The following STAB2 variants were observed in gnomAD, a reference collection of about 807,000 sequenced individuals.
STAB2 encodes the protein stabilin-2.
Under a neutral mutation model 338.1 loss-of-function variants are expected in STAB2, and 288 were observed. The ratio of observed to expected loss-of-function variants is 0.85; its 90% CI spans 0.77 to 0.94. The LOEUF (loss-of-function observed/expected upper bound fraction) is 0.94, where lower values mean the gene tolerates loss of function less well. Ranked by LOEUF, STAB2 falls within the 40% of genes least tolerant of loss-of-function variation. STAB2 has a pLI of 0.00. For missense variants in STAB2, 3,141 were observed against 3,210.1 expected (o/e 0.98, Z 0.52); for synonymous variants, 1,202 against 1,193.3 (o/e 1.01, Z -0.15).
intron 30 of STAB2, among the ~76,000 whole-genome samples, chr12:103,692,608 T>G (rs963041462): frequency 1.3e-5 from 2 of 148,866 alleles, no homozygotes; most frequent in African/African-American, 4.9e-5. Flanking sequence ...TGTGTGTGTG[T>G]GTGTGCGTGT....
intron 2 of STAB2, among the ~76,000 whole-genome samples, chr12:103,594,053 C>T (rs1956838719): frequency 6.7e-6 from 1 of 148,390 alleles, no homozygotes. Flanking sequence ...TGATCTCTCC[C>T]TTCCTGCATT....
intron 44 of STAB2, among the ~76,000 whole-genome samples, chr12:103,719,362 C>T (rs529745583): frequency 1.3e-5 from 2 of 152,350 alleles, no homozygotes; most frequent in African/African-American, 4.8e-5. Context: ...GACAAAGAGA[C>T]TCTAGCTGTG....
At chr12:103,616,242 C>G (rs12303334) in intron 3 of STAB2, among the ~76,000 whole-genome samples, 48,918 of 152,076 alleles carry the variant, frequency 0.32, 10,031 homozygotes, top group African/African-American at 0.58. Flanking sequence ...ATATTCTCAA[C>G]AAATGACTCT....
At chr12:103,628,365 G>C (rs962867749) in intron 5 of STAB2, among the ~76,000 whole-genome samples, 2 of 152,206 alleles carry the variant, frequency 1.3e-5, no homozygotes, top group Admixed American at 6.5e-5. Context: ...AAAGAGAAGT[G>C]TGGGGCCTTG....
intron 3 of STAB2, 48 bp downstream of exon 3, chr12:103,594,558 A>G: frequency 7.0e-7 from 1 of 1,424,254 alleles, no homozygotes; most frequent in East Asian, 2.3e-5. Context: ...TTGGTATCTC[A>G]TTTGGTAGAA....
At chr12:103,631,873 G>C (rs1194753410) in intron 6 of STAB2, among the ~76,000 whole-genome samples, 180 bp downstream of exon 6, 3 of 152,136 alleles carry the variant, frequency 2.0e-5, no homozygotes, top group Non-Finnish European at 4.4e-5. Context: ...AGGAGGGAAA[G>C]GGAGGAGGAG....
intron 13 of STAB2, 134 bp downstream of exon 13, chr12:103,654,832 G>T: frequency 8.6e-7 from 1 of 1,166,932 alleles, no homozygotes; most frequent in Non-Finnish European, 1.2e-6. Context: ...GAGAAGAAGA[G>T]GTGGTTTGTC....
At chr12:103,668,222 T>C (rs947858496) in intron 19 of STAB2, among the ~76,000 whole-genome samples, 5 of 152,212 alleles carry the variant, frequency 3.3e-5, no homozygotes, top group African/African-American at 1.2e-4. Context: ...ACTCAGACTA[T>C]CACAATTTTG....
At position 103,638,082 on chromosome 12, in the gene STAB2, G is replaced by A. The variant is rs544012754; in HGVS notation, c.776G>A (p.Arg259Gln). 29 of 1,614,080 alleles carry A rather than the reference G, an allele frequency of 1.8e-5. No individual in the cohort carries two copies. The highest frequency in any genetic ancestry group is 1.2e-4 in the Admixed American group (7 of 60,022). Reference protein sequence around the residue: ...HAHCTYLGPNRHSCTCQEGYR... With the variant: ...HAHCTYLGPNQHSCTCQEGYR... ...CATTGTACGTACCTGGGACCAAATC[G>A]GCACAGTTGTACATGCCAAGAAGGC... The change falls in exon 8 of 69, where the codon CGG (arginine) becomes CAG (glutamine). Residue 259 changes from arginine (R) to glutamine (Q), a missense_variant. Coordinates refer to ENST00000388887, the MANE Select transcript of STAB2 (RefSeq NM_017564.10).
At chr12:103,594,588 C>A in intron 3 of STAB2, 78 bp downstream of exon 3, 3 of 1,121,428 alleles carry the variant, frequency 2.7e-6, no homozygotes, top group Non-Finnish European at 4.1e-6. Flanking sequence ...GAAGGAAGCC[C>A]AATAAAAAGA....
At chr12:103,696,008 C>T (rs935715960) in intron 33 of STAB2, among the ~76,000 whole-genome samples, 164 bp downstream of exon 33, 2 of 152,292 alleles carry the variant, frequency 1.3e-5, no homozygotes, top group South Asian at 2.1e-4. Context: ...AACATCCCCT[C>T]GGTCAGAGCT....
intron 44 of STAB2, among the ~76,000 whole-genome samples, chr12:103,719,737 T>G (rs548309642): frequency 1.3e-3 from 196 of 152,344 alleles, no homozygotes; most frequent in African/African-American, 4.3e-3. Flanking sequence ...ATAAGTTGCA[T>G]CCACAGTTGC....
At chr12:103,615,860 C>A (rs1417498616) in intron 3 of STAB2, among the ~76,000 whole-genome samples, 2 of 152,148 alleles carry the variant, frequency 1.3e-5, no homozygotes, top group Non-Finnish European at 2.9e-5. Context: ...TTCACTATCA[C>A]AAGAACAGCA....
intron 15 of STAB2, among the ~76,000 whole-genome samples, chr12:103,659,087 A>G (rs1874406290): frequency 6.6e-6 from 1 of 152,208 alleles, no homozygotes; most frequent in African/African-American, 2.4e-5. Context: ...GGGCTGCAGA[A>G]AGCATCACTT....
At chr12:103,654,468 A>AG in intron 12 of STAB2, 87 bp from the exon 13 acceptor site, 1 of 1,372,940 alleles carries the variant, frequency 7.3e-7, no homozygotes, top group Non-Finnish European at 9.8e-7. Flanking sequence ...TCAAAGCCCA[A>AG]GGACTCAAGA....
chr12:103,616,949 A>T (rs17034227), intron 3 of STAB2, among the ~76,000 whole-genome samples: 1 of 152,144 alleles, frequency 6.6e-6, no homozygotes, highest in African/African-American at 2.4e-5. Context: ...TCCCTGCTTG[A>T]TTCAGCTCTC....
At chr12:103,641,658 A>G (rs1177091717) in intron 9 of STAB2, among the ~76,000 whole-genome samples, 1 of 152,224 alleles carries the variant, frequency 6.6e-6, no homozygotes, top group Non-Finnish European at 1.5e-5. Flanking sequence ...TCTAAATAGA[A>G]TACCTTAAGC....
intron 54 of STAB2, among the ~76,000 whole-genome samples, chr12:103,740,342 C>A (rs1261198689): frequency 6.6e-6 from 1 of 152,164 alleles, no homozygotes; most frequent in East Asian, 1.9e-4. Flanking sequence ...ACTCCCTCCC[C>A]AGGCAACCAT....
Position 103,763,758 on chromosome 12 carries a change from C to T in STAB2, c.7605+150C>T, listed in dbSNP as rs934422683. 5 of 704,218 alleles carry T rather than the reference C, an allele frequency of 7.1e-6. No homozygotes were observed. In the African/African-American group the frequency reaches 7.1e-5, roughly 10 times the overall value. The allele number at this position is 704,218 out of a possible 1,614,324, so 43.6% of individuals were successfully genotyped here. On this transcript the variant is annotated intron_variant, in intron 68 of 68. Coordinates refer to ENST00000388887, the MANE Select transcript of STAB2 (RefSeq NM_017564.10). ...CAAGCCTAAAAGCCAGTTTTGCAAG[C>T]TGACTGAAGCCAGTGTGGTTGCTCA... is the stretch of plus-strand genomic sequence containing the variant.
Sources: allele counts gnomAD v4.1 joint callset (sites outside exome capture counted in the v4.1 genomes callset), GRCh38; gene constraint gnomAD v4.1.1; transcripts MANE v1.5; gene names NCBI Gene and HGNC (gene_info 2026-07-23, HGNC 2026-07-21).